The following MACROD2 variants were observed in gnomAD, a reference collection of about 807,000 sequenced individuals.
MACROD2 encodes mono-ADP ribosylhydrolase 2.
MACROD2 carries 36 observed loss-of-function variants against 70.4 expected under a neutral mutation model. The observed-to-expected ratio is 0.51, with a 90% confidence interval of 0.39 to 0.68. The LOEUF (loss-of-function observed/expected upper bound fraction) is 0.68. Ranked by LOEUF, MACROD2 falls within the 30% of genes least tolerant of loss-of-function variation. The pLI, the probability that MACROD2 is intolerant of heterozygous loss-of-function variation, is 0.00. For synonymous variants in MACROD2, 172 were observed against 178.8 expected (o/e 0.96, Z 0.30); for missense variants, 496 against 538.4 (o/e 0.92, Z 0.78).
intron 5 of MACROD2, among the ~76,000 whole-genome samples, chr20:14,832,953 C>G (rs1568822485): frequency 1.3e-5 from 2 of 152,114 alleles, no homozygotes; most frequent in Non-Finnish European, 2.9e-5. Context: ...AATGTAACCT[C>G]AAACCTGCCT....
intron 5 of MACROD2, among the ~76,000 whole-genome samples, chr20:15,084,415 A>T (rs1027436641): frequency 1.3e-5 from 2 of 152,076 alleles, no homozygotes; most frequent in African/African-American, 4.8e-5. Flanking sequence ...TCACCATGAG[A>T]TCACCATAGC....
chr20:15,651,703 C>T (rs2049646852), intron 8 of MACROD2, among the ~76,000 whole-genome samples: 1 of 152,162 alleles, frequency 6.6e-6, no homozygotes, highest in Non-Finnish European at 1.5e-5. Flanking sequence ...GGTCCTGAGG[C>T]TTCTTCCAGG....
chr20:15,724,810 C>T (rs191991427), intron 8 of MACROD2, among the ~76,000 whole-genome samples: 135 of 152,184 alleles, frequency 8.9e-4, no homozygotes, highest in African/African-American at 3.1e-3. Flanking sequence ...TGGCCAGGCA[C>T]GGTGGCTCAC....
intron 6 of MACROD2, among the ~76,000 whole-genome samples, chr20:15,282,028 CT>C (rs2077450119): frequency 6.6e-6 from 1 of 152,250 alleles, no homozygotes; most frequent in South Asian, 2.1e-4. Flanking sequence ...CCAACCAAGG[CT>C]TGGGGCTTGC....
Position 15,553,351 on chromosome 20 carries a change from A to G in MACROD2, c.645+53504A>G, listed in dbSNP as rs549036758. ...GGAAGTCCCATTACTGCAGGAATAC[A>G]TAGGGTCAGAAAGACTGTGTTCACC... On this transcript the variant is annotated intron_variant, in intron 8 of 17. Transcript: ENST00000684519. Among the ~76,000 whole-genome samples the G allele has an allele frequency of 4.0e-3, 612 of 152,322 alleles. 4 individuals are homozygous for G. Among genetic ancestry groups the G allele is most frequent in the Non-Finnish European group, 6.8e-3 (461 of 68,020 alleles).
Position 15,883,041 on chromosome 20 carries a change from A to C in MACROD2, c.728-2723A>C, listed in dbSNP as rs570872784. ...ACTGACAAGATTCTTAAAAAAAAAAACAAACAAACAAAACAAAAAAAACTG... is the reference window on the plus strand; with the variant it reads ...ACTGACAAGATTCTTAAAAAAAAAACCAAACAAACAAAACAAAAAAAACTG... On this transcript the variant is annotated intron_variant, in intron 9 of 17. Coordinates refer to ENST00000684519, the MANE Select transcript of MACROD2 (RefSeq NM_001351661.2). Among the ~76,000 whole-genome samples, 30 of 148,970 alleles carry C rather than the reference A, an allele frequency of 2.0e-4. No individual in the cohort carries two copies. In the East Asian group the frequency reaches 4.3e-3, roughly 21 times the overall value.
intron 9 of MACROD2, among the ~76,000 whole-genome samples, chr20:15,885,444 T>G (rs2064809924): frequency 6.6e-6 from 1 of 152,198 alleles, no homozygotes; most frequent in African/African-American, 2.4e-5. Flanking sequence ...TCTGTGATTT[T>G]TAATTTTGAG....
chr20:15,276,424 C>A (rs1416796164), intron 6 of MACROD2, among the ~76,000 whole-genome samples: 1 of 150,256 alleles, frequency 6.7e-6, no homozygotes, highest in Non-Finnish European at 1.5e-5. Flanking sequence ...ATAAAAAAAT[C>A]TCATTGATCA....
chr20:15,680,726 A>G (rs370460838), intron 8 of MACROD2, among the ~76,000 whole-genome samples: 1 of 152,182 alleles, frequency 6.6e-6, no homozygotes, highest in East Asian at 1.9e-4. Flanking sequence ...AAGTTTGTTG[A>G]TATTTTGGTC....
chr20:14,832,133 C>G (rs1034347015), intron 5 of MACROD2, among the ~76,000 whole-genome samples: 1 of 148,536 alleles, frequency 6.7e-6, no homozygotes, highest in Non-Finnish European at 1.5e-5. Context: ...AGCTCTGCCT[C>G]CCGGGTTCAC....
At chr20:15,461,233 ATATT>A (rs916962316) in intron 7 of MACROD2, among the ~76,000 whole-genome samples, 1 of 151,634 alleles carries the variant, frequency 6.6e-6, no homozygotes, top group African/African-American at 2.4e-5. Context: ...TTCTCTTTGG[ATATT>A]TATTTATTTT....
At chr20:14,796,111 C>T (rs542882988) in intron 5 of MACROD2, among the ~76,000 whole-genome samples, 2 of 152,182 alleles carry the variant, frequency 1.3e-5, no homozygotes, top group South Asian at 4.1e-4. Context: ...ATCACGACAA[C>T]TTTTGTCAAG....
rs556913012 is a variant in MACROD2, at chr20:15,832,817, T to C, written c.646-29928T>C. Reference sequence around the variant, plus strand: ...GTTCAACAAGTTGTCCAGACCATTCTTATGTGCACCAACATTTGATAACCT... The same window carrying C: ...GTTCAACAAGTTGTCCAGACCATTCCTATGTGCACCAACATTTGATAACCT... On this transcript the variant is annotated intron_variant, in intron 8 of 17. Coordinates refer to ENST00000684519, the MANE Select transcript of MACROD2 (RefSeq NM_001351661.2). 2.4e-4 allele frequency among the ~76,000 whole-genome samples: 37 copies of C among 152,316 alleles called. 1 individual carries two copies.
At chr20:14,988,531 T>C (rs1391409137) in intron 5 of MACROD2, among the ~76,000 whole-genome samples, 1 of 152,008 alleles carries the variant, frequency 6.6e-6, no homozygotes, top group Non-Finnish European at 1.5e-5. Context: ...GAAGGAAGGG[T>C]TTCTTCAGAA....
intron 10 of MACROD2, among the ~76,000 whole-genome samples, chr20:15,932,218 C>T (rs1383253581): frequency 6.6e-6 from 1 of 152,148 alleles, no homozygotes; most frequent in Non-Finnish European, 1.5e-5. Context: ...TCCCTCTCTC[C>T]ATGTGTCTCC....
intron 13 of MACROD2, among the ~76,000 whole-genome samples, chr20:15,974,823 G>C (rs2066281414): frequency 6.6e-6 from 1 of 152,108 alleles, no homozygotes; most frequent in African/African-American, 2.4e-5. Flanking sequence ...GCAGACACAG[G>C]ATGGTATGCA....
chr20:16,025,434 G>A (rs2067064293), intron 15 of MACROD2, among the ~76,000 whole-genome samples: 1 of 152,250 alleles, frequency 6.6e-6, no homozygotes, highest in South Asian at 2.1e-4. Context: ...CAGGGTACCT[G>A]GAGATAACAG....
chr20:14,596,951 T>G (rs556748798), intron 4 of MACROD2, among the ~76,000 whole-genome samples: 1 of 152,206 alleles, frequency 6.6e-6, no homozygotes, highest in Non-Finnish European at 1.5e-5. Context: ...ATTATTATGA[T>G]TGGAAATTTG....
At chr20:15,022,695 C>G (rs2075197537) in intron 5 of MACROD2, among the ~76,000 whole-genome samples, 1 of 152,178 alleles carries the variant, frequency 6.6e-6, no homozygotes, top group Non-Finnish European at 1.5e-5. Context: ...CTTCTCATTA[C>G]ATAGCTTTAT....
Sources: allele counts gnomAD v4.1 joint callset (sites outside exome capture counted in the v4.1 genomes callset), GRCh38; gene constraint gnomAD v4.1.1; transcripts MANE v1.5; gene names NCBI Gene and HGNC (gene_info 2026-07-23, HGNC 2026-07-21).